ZNF705A: variants seen among roughly 807,000 people sequenced by gnomAD.
ZNF705A encodes the protein zinc finger protein 705A.
ZNF705A carries 8 observed loss-of-function variants against 16.6 expected under a neutral mutation model. The observed-to-expected ratio is 0.48, with a 90% confidence interval of 0.28 to 0.87. The LOEUF (loss-of-function observed/expected upper bound fraction) is 0.87, where lower values mean the gene tolerates loss of function less well. Among genes scored for constraint, ZNF705A ranks in the 40% least tolerant of loss-of-function variants. The pLI is 0.10. For missense variants in ZNF705A, 233 were observed against 359.9 expected, an observed-to-expected ratio of 0.65 and a Z score of 2.85; for synonymous variants, 73 against 117.3, an observed-to-expected ratio of 0.62 and a Z score of 2.44.
At chr12:8,161,525 G>C (rs188294104) in intron 1 of ZNF705A, among the ~76,000 whole-genome samples, 13 of 152,020 alleles carry the variant, frequency 8.6e-5, no homozygotes, top group Non-Finnish European at 1.6e-4. Flanking sequence ...TTTAAGCTAG[G>C]AGGGTTGTAT....
intron 1 of ZNF705A, among the ~76,000 whole-genome samples, chr12:8,165,072 C>T (rs1948386889): frequency 6.6e-6 from 1 of 152,144 alleles, no homozygotes; most frequent in Non-Finnish European, 1.5e-5. Context: ...ATATCCACCA[C>T]AAGTATACAA....
upstream of ZNF705A, among the ~76,000 whole-genome samples, chr12:8,171,973 G>A (rs1565415496): frequency 6.6e-6 from 1 of 152,190 alleles, no homozygotes; most frequent in Non-Finnish European, 1.5e-5. Context: ...TTGACCTCAG[G>A]TGATCCACCT....
upstream of ZNF705A, among the ~76,000 whole-genome samples, chr12:8,168,035 T>C (rs1948414314): frequency 6.6e-6 from 1 of 152,188 alleles, no homozygotes; most frequent in Admixed American, 6.5e-5. Flanking sequence ...CCCTTTGAAA[T>C]TGAGCATGCA....
At chr12:8,169,026 G>T (rs967104980), upstream of ZNF705A, 2 of 151,958 alleles carry the variant, frequency 1.3e-5, no homozygotes, top group African/African-American at 4.8e-5. Context: ...TAAAAATTGT[G>T]CCAAGTTTAT....
chr12:8,158,227 C>T (rs4348974), intron 1 of ZNF705A, among the ~76,000 whole-genome samples: 138,778 of 152,104 alleles, frequency 0.91, 64,110 homozygotes, highest in Non-Finnish European at 0.99. Flanking sequence ...TTTCTTTCTT[C>T]TTTAAAATGC....
chr12:8,161,175 C>A (rs1948351725), intron 1 of ZNF705A, among the ~76,000 whole-genome samples: 1 of 152,054 alleles, frequency 6.6e-6, no homozygotes, highest in Non-Finnish European at 1.5e-5. Flanking sequence ...TGGTATGAAA[C>A]CCATTTGATC....
At chr12:8,167,751 A>G (rs1397877498), upstream of ZNF705A, among the ~76,000 whole-genome samples, 1 of 152,224 alleles carries the variant, frequency 6.6e-6, no homozygotes, top group Non-Finnish European at 1.5e-5. Flanking sequence ...AAGAAACTTC[A>G]GTCCTTGCCT....
intron 1 of ZNF705A, among the ~76,000 whole-genome samples, chr12:8,159,047 A>G (rs112598060): frequency 1.3e-5 from 2 of 152,202 alleles, no homozygotes; most frequent in African/African-American, 4.8e-5. Flanking sequence ...CCACATATCA[A>G]TGAGCACATA....
exon 5 of ZNF705A, chr12:8,179,843 G>T (rs1229703443): frequency 1.3e-5 from 2 of 152,154 alleles, no homozygotes; most frequent in Non-Finnish European, 2.9e-5. Context: ...ACATTGAGAT[G>T]TACTATTTGT....
exon 5 of ZNF705A, chr12:8,178,247 A>T (rs1442639383): frequency 2.0e-5 from 3 of 153,696 alleles, no homozygotes; most frequent in Non-Finnish European, 4.4e-5. Flanking sequence ...AGCCTTCATA[A>T]GCTAAATAAG....
intron 1 of ZNF705A, among the ~76,000 whole-genome samples, chr12:8,167,483 A>G (rs369015823): frequency 6.6e-6 from 1 of 152,146 alleles, no homozygotes; most frequent in Non-Finnish European, 1.5e-5. Context: ...TTTTTCATAT[A>G]TAAGGGGAAG....
At chr12:8,173,369 T>G (rs757912951) in intron 1 of ZNF705A, among the ~76,000 whole-genome samples, 186 of 152,328 alleles carry the variant, frequency 1.2e-3, no homozygotes, top group Middle Eastern at 6.8e-3. Context: ...AGAAGGAATA[T>G]AGTAGATAGA....
intron 1 of ZNF705A, among the ~76,000 whole-genome samples, chr12:8,157,605 T>C (rs1948320049): frequency 6.6e-6 from 1 of 152,180 alleles, no homozygotes; most frequent in Admixed American, 6.6e-5. Flanking sequence ...GACTTGTTAA[T>C]GGAAATTCCT....
chr12:8,171,277 A>G (rs1038702018), upstream of ZNF705A, among the ~76,000 whole-genome samples: 2 of 152,244 alleles, frequency 1.3e-5, no homozygotes, highest in Admixed American at 6.5e-5. Flanking sequence ...TCACTTGTAC[A>G]TAAAATGTAT....
chr12:8,158,294 T>C (rs1948326098), intron 1 of ZNF705A, among the ~76,000 whole-genome samples: 1 of 152,146 alleles, frequency 6.6e-6, no homozygotes, highest in Non-Finnish European at 1.5e-5. Flanking sequence ...TCTTAGTCAA[T>C]CCTGCTTCCA....
intron 1 of ZNF705A, among the ~76,000 whole-genome samples, chr12:8,159,471 T>C (rs1362698781): frequency 6.6e-6 from 1 of 152,196 alleles, no homozygotes. Context: ...TCAACATCTA[T>C]TGTTTTTTGA....
exon 5 of ZNF705A, chr12:8,179,811 A>G (rs1323800103): frequency 6.6e-6 from 1 of 152,186 alleles, no homozygotes; most frequent in African/African-American, 2.4e-5. Flanking sequence ...ACTGTGGCTG[A>G]CATTATATGT....
At chr12:8,170,435 G>C (rs1037847470), upstream of ZNF705A, among the ~76,000 whole-genome samples, 5 of 152,122 alleles carry the variant, frequency 3.3e-5, no homozygotes, top group Non-Finnish European at 7.3e-5. Context: ...TCTTGAAATA[G>C]TTTTTATAGA....
At chr12:8,166,945 A>G (rs188436686) in intron 1 of ZNF705A, among the ~76,000 whole-genome samples, 11 of 120,196 alleles carry the variant, frequency 9.2e-5, no homozygotes, top group Admixed American at 8.9e-4. Context: ...TTCTATTAGC[A>G]TTTGCTTTCC....
Sources: allele counts gnomAD v4.1 joint callset (sites outside exome capture counted in the v4.1 genomes callset), GRCh38; gene constraint gnomAD v4.1.1; transcripts MANE v1.5; gene names NCBI Gene and HGNC (gene_info 2026-07-23, HGNC 2026-07-21).